Variants in DLG2 observed in about 807,000 individuals in gnomAD.
DLG2 encodes the protein discs large MAGUK scaffold protein 2.
Under a neutral mutation model 132.5 loss-of-function variants are expected in DLG2, and 45 were observed. The ratio of observed to expected loss-of-function variants is 0.34; its 90% CI spans 0.27 to 0.44. DLG2 has a LOEUF of 0.44. Among genes scored for constraint, DLG2 ranks in the 20% least tolerant of loss-of-function variants. DLG2 has a pLI of 1.00. For missense variants in DLG2, 1,045 were observed against 1,196.9 expected (o/e 0.87, Z 1.87); for synonymous variants, 424 against 419.6 (o/e 1.01, Z -0.13).
At chr11:85,543,095 G>A (rs1215938623) in intron 3 of DLG2, among the ~76,000 whole-genome samples, 10 of 151,836 alleles carry the variant, frequency 6.6e-5, no homozygotes, top group Admixed American at 3.3e-4. Context: ...CTATCAACCC[G>A]TCATCTACAT....
At chr11:84,087,347 T>G (rs1279891821) in intron 10 of DLG2, among the ~76,000 whole-genome samples, 1 of 152,210 alleles carries the variant, frequency 6.6e-6, no homozygotes, top group Non-Finnish European at 1.5e-5. Flanking sequence ...TAGCCATTCT[T>G]GTGGGTATAA....
intron 6 of DLG2, among the ~76,000 whole-genome samples, chr11:84,924,087 A>C (rs773745466): frequency 6.6e-6 from 1 of 151,940 alleles, no homozygotes; most frequent in East Asian, 1.9e-4. Context: ...TTCTGCCCCT[A>C]TAAGTCCGTA....
intron 4 of DLG2, among the ~76,000 whole-genome samples, chr11:85,281,788 G>A (rs1418384907): frequency 1.3e-5 from 2 of 151,956 alleles, no homozygotes; most frequent in African/African-American, 2.4e-5. Context: ...CCACTATAGA[G>A]AACGGTATGG....
rs2089391508 is a variant in DLG2, at chr11:83,458,843, C to T, written c.*975G>A. On this transcript the variant is annotated 3_prime_UTR_variant, in exon 28 of 28. Transcript: ENST00000376104. ...TCCAAAAATATCCATGAGGGCAACT[C>T]ATTAAGGGATGTGCTGCATGAGAGT... is the stretch of plus-strand genomic sequence containing the variant. 1 of 152,188 alleles carries T rather than the reference C, an allele frequency of 6.6e-6. No homozygotes were observed. Among genetic ancestry groups the T allele is most frequent in the Non-Finnish European group, 1.5e-5 (1 of 68,046 alleles). 9.4% of individuals were successfully genotyped at this position (152,188 alleles called of 1,614,324 possible). A position where few individuals can be genotyped will look rare whatever the true frequency, so the allele number is the denominator to read the frequency against.
intron 4 of DLG2, among the ~76,000 whole-genome samples, chr11:85,277,871 G>A (rs764468016): frequency 6.6e-6 from 1 of 152,246 alleles, no homozygotes; most frequent in East Asian, 1.9e-4. Context: ...TGGTCTCCCT[G>A]TCACCGGTTT....
intron 3 of DLG2, among the ~76,000 whole-genome samples, chr11:85,357,898 CA>C (rs1484957453): frequency 6.6e-6 from 1 of 151,392 alleles, no homozygotes; most frequent in African/African-American, 2.4e-5. Flanking sequence ...TCTATCATCA[CA>C]AAACTAGTAA....
At chr11:84,719,305 T>A (rs367788423) in intron 6 of DLG2, among the ~76,000 whole-genome samples, 4 of 152,342 alleles carry the variant, frequency 2.6e-5, no homozygotes. Context: ...TACATTCACT[T>A]AGAGAAGTCA....
chr11:85,334,182 T>G (rs2081970696), intron 3 of DLG2, among the ~76,000 whole-genome samples: 1 of 152,176 alleles, frequency 6.6e-6, no homozygotes, highest in African/African-American at 2.4e-5. Context: ...TTCTAGGAGT[T>G]TATCCATTAC....
chr11:84,077,497 T>G, intron 10 of DLG2, among the ~76,000 whole-genome samples: 1 of 152,316 alleles, frequency 6.6e-6, no homozygotes, highest in Non-Finnish European at 1.5e-5. Flanking sequence ...ACATCTCTAT[T>G]TTAATTCTTC....
intron 19 of DLG2, among the ~76,000 whole-genome samples, chr11:83,620,406 A>T (rs181337545): frequency 6.6e-6 from 1 of 152,336 alleles, no homozygotes; most frequent in Non-Finnish European, 1.5e-5. Context: ...ATGAAAAATA[A>T]TTTTGATGAT....
At chr11:84,724,773 C>G (rs2062213089) in intron 6 of DLG2, among the ~76,000 whole-genome samples, 1 of 152,120 alleles carries the variant, frequency 6.6e-6, no homozygotes, top group African/African-American at 2.4e-5. Context: ...CTTTCAATCA[C>G]AAATGTTTAT....
intron 6 of DLG2, among the ~76,000 whole-genome samples, chr11:84,845,839 C>T (rs2081397050): frequency 6.6e-6 from 1 of 151,872 alleles, no homozygotes; most frequent in South Asian, 2.1e-4. Context: ...ACCAACACAC[C>T]CAGCTAATTT....
intron 3 of DLG2, among the ~76,000 whole-genome samples, chr11:85,500,557 AAAATAAAT>A (rs71036481): frequency 5.3e-5 from 2 of 37,616 alleles, no homozygotes; most frequent in Admixed American, 4.1e-4. Flanking sequence ...AAATAAAAAT[AAAATAAAT>A]AAATAAATAA....
At position 84,569,583 on chromosome 11, in the gene DLG2, T is replaced by C. The variant is rs187606989; in HGVS notation, c.358-34852A>G. On this transcript the variant is annotated intron_variant, in intron 6 of 27. Coordinates refer to ENST00000376104, the MANE Select transcript of DLG2 (RefSeq NM_001142699.3). ...GAAATCCTAGAGATGAAGAATATAA[T>C]GACTAAACTGAAAAATTCATTATAA... Among the ~76,000 whole-genome samples the C allele has an allele frequency of 1.2e-3, 175 of 152,154 alleles. 3 individuals carry two copies. In the East Asian group the frequency reaches 0.022, roughly 19 times the overall value.
intron 19 of DLG2, among the ~76,000 whole-genome samples, chr11:83,592,180 G>A (rs977943486): frequency 1.9e-3 from 266 of 143,056 alleles, no homozygotes; most frequent in Non-Finnish European, 2.2e-3. Context: ...AGCCCGCATC[G>A]CCAAGGCAAT....
intron 7 of DLG2, among the ~76,000 whole-genome samples, chr11:84,500,027 A>C (rs997518715): frequency 6.6e-6 from 1 of 152,166 alleles, no homozygotes; most frequent in African/African-American, 2.4e-5. Flanking sequence ...GGAGATACGG[A>C]GATGAAAAAA....
chr11:84,043,452 G>C (rs190343130), intron 11 of DLG2, among the ~76,000 whole-genome samples: 1 of 151,852 alleles, frequency 6.6e-6, no homozygotes, highest in Non-Finnish European at 1.5e-5. Context: ...CGGGTCACAA[G>C]GGTTTGTTGT....
chr11:84,810,292 T>A (rs1380238463), intron 6 of DLG2, among the ~76,000 whole-genome samples: 1 of 152,014 alleles, frequency 6.6e-6, no homozygotes, highest in East Asian at 1.9e-4. Flanking sequence ...GGAAATTAGG[T>A]GAAGATAGGA....
At chr11:84,742,824 C>A (rs992699679) in intron 6 of DLG2, among the ~76,000 whole-genome samples, 2 of 152,140 alleles carry the variant, frequency 1.3e-5, no homozygotes, top group Non-Finnish European at 2.9e-5. Context: ...CCTACTCCAA[C>A]CCCTAGGCAA....
Sources: gnomAD v4.1 joint callset for allele counts (sites outside exome capture counted in the v4.1 genomes callset) on GRCh38, gnomAD v4.1.1 for gene constraint, MANE v1.5 for transcripts, NCBI Gene and HGNC (gene_info 2026-07-23, HGNC 2026-07-21) for gene names.